Variants in ITPR2 observed in about 807,000 individuals in gnomAD.
ITPR2 encodes the protein inositol 1,4,5-trisphosphate receptor type 2.
Under a neutral mutation model 317.1 loss-of-function variants are expected in ITPR2, and 207 were observed. The observed-to-expected ratio is 0.65, with a 90% CI of 0.58 to 0.73. The LOEUF (loss-of-function observed/expected upper bound fraction) is 0.73, where lower values mean the gene tolerates loss of function less well. ITPR2 is among the 30% of genes least tolerant of loss of function. The pLI is 0.00. For synonymous variants in ITPR2, 1,156 were observed against 1,149.1 expected (o/e 1.01, Z -0.12); for missense variants, 2,613 against 3,284.0 (o/e 0.80, Z 4.99).
chr12:26,727,292 T>G (rs1948945974), intron 2 of ITPR2, among the ~76,000 whole-genome samples: 1 of 152,226 alleles, frequency 6.6e-6, no homozygotes, highest in Non-Finnish European at 1.5e-5. Context: ...AGCAGACTCT[T>G]TTGACTATCC....
intron 21 of ITPR2, among the ~76,000 whole-genome samples, chr12:26,650,613 A>T (rs1219646804): frequency 6.6e-6 from 1 of 152,212 alleles, no homozygotes; most frequent in Admixed American, 6.5e-5. Flanking sequence ...CTAAAAAAAA[A>T]TGTCTTTAAT....
rs190398667 is a variant in ITPR2 at position 26,538,813 on chromosome 12, G to A, written c.5073+11434C>T. 6.5e-3 allele frequency among the ~76,000 whole-genome samples: 997 copies of A among 152,278 alleles called. 7 individuals carry two copies. Among genetic ancestry groups the A allele is most frequent in the Middle Eastern group, 0.027 (8 of 294 alleles). The stretch of plus-strand genomic sequence containing the variant: ...GCTGGTCTCGAACTCCTGACCTCGT[G>A]ATCCGCCTGCCTCCACCTCCCAAAG... On this transcript the variant is annotated intron_variant, in intron 37 of 56. Transcript: ENST00000381340.
At chr12:26,561,682 C>A in intron 35 of ITPR2, 80 bp downstream of exon 35, 1 of 1,171,292 alleles carries the variant, frequency 8.5e-7, no homozygotes. Context: ...ATATTTTAAA[C>A]CATATTTTAT....
intron 55 of ITPR2, among the ~76,000 whole-genome samples, chr12:26,378,506 C>T (rs1359717134): frequency 1.3e-5 from 2 of 152,166 alleles, no homozygotes; most frequent in Non-Finnish European, 2.9e-5. Context: ...GGATTTTAAT[C>T]TAAGTGCCAT....
intron 19 of ITPR2, 103 bp from the exon 20 acceptor site, chr12:26,655,955 G>A: frequency 8.6e-7 from 1 of 1,167,414 alleles, no homozygotes; most frequent in Non-Finnish European, 1.2e-6. Flanking sequence ...GGATAAATTA[G>A]TTAGCTTTCC....
At chr12:26,667,538 A>G (rs1264270525) in intron 13 of ITPR2, among the ~76,000 whole-genome samples, 1 of 152,244 alleles carries the variant, frequency 6.6e-6, no homozygotes, top group Non-Finnish European at 1.5e-5. Context: ...AACCCGTTTC[A>G]TGTGCATCAA....
At chr12:26,382,398 C>T (rs907325138) in intron 55 of ITPR2, among the ~76,000 whole-genome samples, 6 of 152,214 alleles carry the variant, frequency 3.9e-5, no homozygotes, top group Non-Finnish European at 4.4e-5. Flanking sequence ...GGTGCTGTGG[C>T]TCACACCTGT....
At chr12:26,573,088 G>T (rs796403431) in intron 34 of ITPR2, among the ~76,000 whole-genome samples, 5 of 151,742 alleles carry the variant, frequency 3.3e-5, no homozygotes, top group African/African-American at 9.7e-5. Flanking sequence ...GTAGTGGTGC[G>T]AACATAGCTC....
rs1368087205 is a variant in ITPR2, at chr12:26,609,920, CT to C, written c.3463-7215del. Among the ~76,000 whole-genome samples the C allele has an allele frequency of 3.9e-5, 6 of 152,322 alleles. No homozygotes were observed. The East Asian group carries it at 5.8e-4, about 15-fold the overall frequency. On this transcript the variant is annotated intron_variant, in intron 26 of 56. Transcript: ENST00000381340. ...AAGGGGCTTATTTATTGAAACTCAT[CT>C]GTCACAATCACCTTCAGTGGAATGA...
At chr12:26,774,959 T>A (rs990970544) in intron 2 of ITPR2, among the ~76,000 whole-genome samples, 1 of 152,198 alleles carries the variant, frequency 6.6e-6, no homozygotes, top group Non-Finnish European at 1.5e-5. Flanking sequence ...TTCTGCATGG[T>A]TTCCCAGTGG....
At chr12:26,505,299 T>C (rs562784615) in intron 37 of ITPR2, among the ~76,000 whole-genome samples, 1 of 152,308 alleles carries the variant, frequency 6.6e-6, no homozygotes, top group African/African-American at 2.4e-5. Context: ...TGATACACAA[T>C]GCAACACCTA....
At chr12:26,553,766 CAG>C (rs1944590134) in intron 36 of ITPR2, among the ~76,000 whole-genome samples, 2 of 150,734 alleles carry the variant, frequency 1.3e-5, no homozygotes, top group South Asian at 4.2e-4. Flanking sequence ...GCCTGGGTGA[CAG>C]AGCAAGACTC....
rs1276395411 is a variant in ITPR2, at chr12:26,555,511, C to T, written c.4964+722G>A. On this transcript the variant is annotated intron_variant, in intron 36 of 56. Coordinates refer to ENST00000381340, the MANE Select transcript of ITPR2 (RefSeq NM_002223.4). Reference sequence around the variant, plus strand: ...CCACATAAAGACAAGTCTCTTCTTTCTGGAACTAGTTATGCTTTTTCTCAC... The same window carrying T: ...CCACATAAAGACAAGTCTCTTCTTTTTGGAACTAGTTATGCTTTTTCTCAC... Among the ~76,000 whole-genome samples the T allele has an allele frequency of 4.6e-5, 7 of 152,316 alleles. No individual in the cohort carries two copies. The South Asian group carries it at 8.3e-4, about 18-fold the overall frequency.
At chr12:26,757,481 G>A (rs1357881856) in intron 2 of ITPR2, among the ~76,000 whole-genome samples, 1 of 152,112 alleles carries the variant, frequency 6.6e-6, no homozygotes, top group Non-Finnish European at 1.5e-5. Context: ...CTCCCAAAGT[G>A]CTAGGATTAC....
At position 26,708,733 on chromosome 12, in the gene ITPR2, A is replaced by G. The variant is rs374206418; in HGVS notation, c.951+2440T>C. 1.1e-4 allele frequency among the ~76,000 whole-genome samples: 17 copies of G among 152,334 alleles called. No homozygotes were observed. In the East Asian group the frequency reaches 3.3e-3, roughly 29 times the overall value. On this transcript the variant is annotated intron_variant, in intron 9 of 56. Transcript: ENST00000381340. ...CACAGTTAACAACAATTTATTGTAT[A>G]TTTTAAAATAACTAAAAGAGTAGAA... is the stretch of plus-strand genomic sequence containing the variant.
Position 26,411,385 on chromosome 12 carries a change from A to G in ITPR2, c.7334T>C (p.Leu2445Ser), listed in dbSNP as rs779124990. 25 of 1,613,306 alleles carry G rather than the reference A, an allele frequency of 1.5e-5. No homozygotes were observed. Among genetic ancestry groups the G allele is most frequent in the Middle Eastern group, 1.6e-4 (1 of 6,076 alleles). The change falls in exon 52 of 57, where the codon TTA (leucine) becomes TCA (serine). Residue 2445 changes from leucine (L) to serine (S), a missense_variant. Coordinates refer to ENST00000381340, the MANE Select transcript of ITPR2 (RefSeq NM_002223.4). ...GGCACATGCTTCCATCATGGTAGTT[A>G]AAGTCATAGTAGGCACTTGATGACT... ...TGSHQVPTMTLTTMMEACAKE... is the reference protein window; with the variant it reads ...TGSHQVPTMTSTTMMEACAKE...
chr12:26,342,491 C>CGGCGGA (rs1938152172), intron 55 of ITPR2, among the ~76,000 whole-genome samples: 4 of 18,456 alleles, frequency 2.2e-4, no homozygotes, highest in African/African-American at 1.7e-3. Context: ...GTTTGGGTCA[C>CGGCGGA]GGCGGTGGGG....
chr12:26,702,420 GTT>G (rs147003640), intron 9 of ITPR2, among the ~76,000 whole-genome samples: 2 of 113,410 alleles, frequency 1.8e-5, no homozygotes, highest in African/African-American at 6.0e-5. Context: ...GGGGGTTGGT[GTT>G]TTTTTTTTCT....
At chr12:26,344,365 A>T (rs1358834031) in intron 55 of ITPR2, among the ~76,000 whole-genome samples, 1 of 152,138 alleles carries the variant, frequency 6.6e-6, no homozygotes, top group East Asian at 1.9e-4. Context: ...AGCATCACAG[A>T]CTGGGCTTGG....
Sources: gnomAD v4.1 joint callset for allele counts (sites outside exome capture counted in the v4.1 genomes callset) on GRCh38, gnomAD v4.1.1 for gene constraint, MANE v1.5 for transcripts, NCBI Gene and HGNC (gene_info 2026-07-23, HGNC 2026-07-21) for gene names.